Variants in PTPRK observed in about 807,000 individuals in gnomAD.
PTPRK encodes the protein protein tyrosine phosphatase receptor type K.
PTPRK carries 75 observed loss-of-function variants against 178.0 expected under a neutral mutation model. That is an observed-to-expected ratio of 0.42 (90% CI 0.35 to 0.51). The LOEUF is 0.51. Among genes scored for constraint, PTPRK ranks in the 20% least tolerant of loss-of-function variants. PTPRK has a pLI of 0.02. For missense variants in PTPRK, 1,441 were observed against 1,797.8 expected, an observed-to-expected ratio of 0.80 and a Z score of 3.59; for synonymous variants, 637 against 620.6, an observed-to-expected ratio of 1.03 and a Z score of -0.39.
chr6:128,460,371 C>T (rs957768753), intron 1 of PTPRK, among the ~76,000 whole-genome samples: 2 of 151,544 alleles, frequency 1.3e-5, no homozygotes, highest in African/African-American at 2.4e-5. Context: ...AGTGAGATCT[C>T]GTCTCTACTA....
chr6:128,422,981 T>C (rs1199498776), intron 1 of PTPRK, among the ~76,000 whole-genome samples: 1 of 152,192 alleles, frequency 6.6e-6, no homozygotes, highest in East Asian at 1.9e-4. Flanking sequence ...TGACAAAAAT[T>C]TGGGAAGTCC....
chr6:128,486,148 C>G (rs1213037199), intron 1 of PTPRK, among the ~76,000 whole-genome samples: 1 of 151,710 alleles, frequency 6.6e-6, no homozygotes, highest in Non-Finnish European at 1.5e-5. Context: ...ATTCTGTTAT[C>G]TTTGTTTTTT....
chr6:128,404,317 C>A (rs1178525337), intron 1 of PTPRK, among the ~76,000 whole-genome samples: 2 of 152,210 alleles, frequency 1.3e-5, no homozygotes, highest in Non-Finnish European at 2.9e-5. Context: ...TTTCAAGGGC[C>A]TTCCGTCCAA....
intron 17 of PTPRK, among the ~76,000 whole-genome samples, chr6:127,995,995 T>G (rs982090770): frequency 6.6e-6 from 1 of 152,110 alleles, no homozygotes; most frequent in African/African-American, 2.4e-5. Flanking sequence ...GAGCTATTCA[T>G]AAGATACTTT....
At chr6:128,396,058 T>C (rs571846964) in intron 2 of PTPRK, among the ~76,000 whole-genome samples, 1 of 149,636 alleles carries the variant, frequency 6.7e-6, no homozygotes, top group East Asian at 1.9e-4. Context: ...TGTTTTCACT[T>C]TTTTTTTTAA....
intron 3 of PTPRK, among the ~76,000 whole-genome samples, chr6:128,286,138 T>C (rs1456896345): frequency 6.6e-6 from 1 of 152,148 alleles, no homozygotes; most frequent in East Asian, 1.9e-4. Context: ...CCTGTCTTTT[T>C]TCTCTAACTG....
At chr6:128,294,838 T>C (rs1473418391) in intron 3 of PTPRK, among the ~76,000 whole-genome samples, 1 of 152,094 alleles carries the variant, frequency 6.6e-6, no homozygotes, top group East Asian at 1.9e-4. Context: ...CAAATAAGTT[T>C]TATTAAATAA....
At chr6:128,087,640 C>G (rs1413223212) in intron 8 of PTPRK, among the ~76,000 whole-genome samples, 1 of 151,972 alleles carries the variant, frequency 6.6e-6, no homozygotes, top group South Asian at 2.1e-4. Flanking sequence ...GTTGTTGCTA[C>G]TTCAATTAGG....
chr6:128,170,787 T>TA (rs960757024), intron 7 of PTPRK, among the ~76,000 whole-genome samples: 43 of 151,758 alleles, frequency 2.8e-4, no homozygotes, highest in African/African-American at 1.0e-3. Flanking sequence ...ATAATGAAAG[T>TA]AAAAAGGCAG....
intron 13 of PTPRK, among the ~76,000 whole-genome samples, chr6:128,042,057 C>A (rs140204334): frequency 2.4e-4 from 37 of 152,076 alleles, no homozygotes; most frequent in African/African-American, 8.2e-4. Context: ...CCCCTCTCCT[C>A]CAGTTTCCAA....
intron 7 of PTPRK, among the ~76,000 whole-genome samples, chr6:128,122,151 C>T (rs1234620377): frequency 6.6e-6 from 1 of 152,052 alleles, no homozygotes; most frequent in South Asian, 2.1e-4. Context: ...GTTACGTATG[C>T]TTGTAGCAGA....
At chr6:128,344,543 T>A (rs1364128650) in intron 2 of PTPRK, among the ~76,000 whole-genome samples, 1 of 152,010 alleles carries the variant, frequency 6.6e-6, no homozygotes, top group African/African-American at 2.4e-5. Flanking sequence ...ATTTTTTTTT[T>A]AAAGGTCTCC....
chr6:128,519,270 C>A lies in PTPRK; in HGVS notation c.100+989G>T, dbSNP rs777646839. 1.3e-5 allele frequency: 5 copies of A among 371,674 alleles called. No individual in the cohort carries two copies. Among genetic ancestry groups the A allele is most frequent in the Non-Finnish European group, 2.1e-5 (4 of 189,936 alleles). The allele number at this position is 371,674 out of a possible 1,614,324, so 23.0% of individuals were successfully genotyped here. ...AGGAGAGAACGAAAGAAGCAACCAA[C>A]CTACACGAAGGATAACAAAACTGGA... On this transcript the variant is annotated intron_variant, in intron 1 of 29. Transcript: ENST00000368226. The surrounding 1 kb of genome is among the most constrained non-coding windows in gnomAD (Gnocchi z 4.3).
intron 14 of PTPRK, chr6:128,008,135 T>C (rs781095713): frequency 1.5e-4 from 168 of 1,157,610 alleles, no homozygotes; most frequent in Middle Eastern, 4.8e-4. Flanking sequence ...TAAACTCTGA[T>C]GGAATCATTA....
intron 6 of PTPRK, among the ~76,000 whole-genome samples, chr6:128,190,312 C>T (rs1489868942): frequency 2.0e-5 from 3 of 152,070 alleles, no homozygotes; most frequent in African/African-American, 4.8e-5. Context: ...GGAAGCCAAA[C>T]AACTCATCAT....
chr6:128,171,656 T>C (rs936835174), intron 7 of PTPRK, among the ~76,000 whole-genome samples: 1 of 152,072 alleles, frequency 6.6e-6, no homozygotes, highest in African/African-American at 2.4e-5. Context: ...TTTGCTGTTG[T>C]GCTGCATGAA....
At chr6:127,978,714 T>C (rs1238473129) in intron 25 of PTPRK, among the ~76,000 whole-genome samples, 1 of 152,166 alleles carries the variant, frequency 6.6e-6, no homozygotes, top group Non-Finnish European at 1.5e-5. Context: ...GGAGGGGATA[T>C]GCATGAGGAG....
At chr6:128,303,250 G>A (rs1277755730) in intron 3 of PTPRK, among the ~76,000 whole-genome samples, 2 of 152,114 alleles carry the variant, frequency 1.3e-5, no homozygotes, top group Admixed American at 6.5e-5. Context: ...TCTGCCTATT[G>A]TCTCCCCATT....
intron 2 of PTPRK, among the ~76,000 whole-genome samples, chr6:128,337,891 A>G (rs1831161390): frequency 6.6e-6 from 1 of 152,174 alleles, no homozygotes; most frequent in African/African-American, 2.4e-5. Context: ...ATTTCAGGCA[A>G]AATAAACCAC....
Sources: allele counts gnomAD v4.1 joint callset (sites outside exome capture counted in the v4.1 genomes callset), GRCh38; gene constraint gnomAD v4.1.1; non-coding constraint Gnocchi (gnomAD v3.1); transcripts MANE v1.5; gene names NCBI Gene and HGNC (gene_info 2026-07-23, HGNC 2026-07-21).